The following YEATS2 variants were observed in gnomAD, a reference collection of about 807,000 sequenced individuals.
YEATS2 encodes the protein YEATS domain containing 2, also known as YEATS domain-containing protein 2.
YEATS2 carries 77 observed loss-of-function variants against 163.2 expected under a neutral mutation model. That is an observed-to-expected ratio of 0.47 (90% CI 0.39 to 0.57). The LOEUF is 0.57. YEATS2 is among the 20% of genes least tolerant of loss of function. YEATS2 has a pLI of 0.00. For missense variants in YEATS2, 1,549 were observed against 1,729.8 expected (o/e 0.90, Z 1.85); for synonymous variants, 631 against 645.1 (o/e 0.98, Z 0.33).
chr3:183,758,118 G>T (rs961808679), intron 12 of YEATS2, among the ~76,000 whole-genome samples: 1 of 152,198 alleles, frequency 6.6e-6, no homozygotes, highest in African/African-American at 2.4e-5. Flanking sequence ...AGCACTTTGG[G>T]AGGCCAAGGT....
Position 183,777,662 on chromosome 3 carries a change from A to G in YEATS2, c.2698A>G (p.Lys900Glu). 6.2e-7 allele frequency: 1 copy of G among 1,614,186 alleles called. No homozygotes were observed. Among genetic ancestry groups the G allele is most frequent in the Non-Finnish European group, 8.5e-7 (1 of 1,180,040 alleles). Residue 900 changes from lysine to glutamate, a missense_variant, in exon 19 of 31, where the codon AAA becomes GAA. Transcript: ENST00000305135. ...TTCTGCACAAGGACAACAAACGCTAAAAGTCATCTCTGGACAGAAAACCAC... is the reference window on the plus strand; with the variant it reads ...TTCTGCACAAGGACAACAAACGCTAGAAGTCATCTCTGGACAGAAAACCAC... ...TSSAQGQQTLKVISGQKTTLF... is the reference protein window; with the variant it reads ...TSSAQGQQTLEVISGQKTTLF...
intron 8 of YEATS2, among the ~76,000 whole-genome samples, chr3:183,743,989 T>G (rs137884521): frequency 6.6e-6 from 1 of 152,104 alleles, no homozygotes; most frequent in African/African-American, 2.4e-5. Context: ...ACCATAAGAC[T>G]AGGTTGCCTT....
chr3:183,724,597 T>C (rs1577062177), intron 6 of YEATS2, 66 bp downstream of exon 6: 2 of 1,119,296 alleles, frequency 1.8e-6, no homozygotes, highest in Non-Finnish European at 2.6e-6. Flanking sequence ...TTAATACTCT[T>C]ACAGTGTTAC....
At chr3:183,801,643 A>T in intron 25 of YEATS2, 115 bp downstream of exon 25, 1 of 776,304 alleles carries the variant, frequency 1.3e-6, no homozygotes, top group Non-Finnish European at 2.0e-6. Context: ...CGGTTACCTT[A>T]TAAGGTTTCA....
chr3:183,712,780 G>T (rs1449356807), intron 1 of YEATS2, among the ~76,000 whole-genome samples: 6 of 121,924 alleles, frequency 4.9e-5, no homozygotes, highest in African/African-American at 1.7e-4. Context: ...TTTTTTTTTC[G>T]AGAGAGTTTT....
chr3:183,699,844 T>C (rs1005496915), intron 1 of YEATS2, among the ~76,000 whole-genome samples: 1 of 152,184 alleles, frequency 6.6e-6, no homozygotes, highest in Admixed American at 6.6e-5. Context: ...AGATTGTCAA[T>C]TGAATTTGGC....
At chr3:183,698,858 C>A (rs9875427) in intron 1 of YEATS2, among the ~76,000 whole-genome samples, 6,226 of 152,152 alleles carry the variant, frequency 0.041, 325 homozygotes, top group East Asian at 0.15. Context: ...TTTAAAAATA[C>A]AAGCAAAGCC....
intron 15 of YEATS2, among the ~76,000 whole-genome samples, chr3:183,770,300 C>T (rs1313739381): frequency 3.3e-5 from 5 of 151,908 alleles, no homozygotes; most frequent in African/African-American, 1.2e-4. Flanking sequence ...AGGAGAATGG[C>T]ATGAACCCGT....
At chr3:183,719,942 TTATGAA>T (rs2109050073) in intron 4 of YEATS2, among the ~76,000 whole-genome samples, 1 of 152,324 alleles carries the variant, frequency 6.6e-6, no homozygotes, top group South Asian at 2.1e-4. Flanking sequence ...ACCAGGCCAT[TTATGAA>T]TATCTCACAT....
chr3:183,763,302 AT>A (rs1353661675), intron 15 of YEATS2, among the ~76,000 whole-genome samples: 2 of 152,314 alleles, frequency 1.3e-5, no homozygotes, highest in East Asian at 3.9e-4. Context: ...ATTGAATACT[AT>A]AGGAAGTTGT....
chr3:183,737,917 G>A (rs1005097377), intron 8 of YEATS2, among the ~76,000 whole-genome samples: 2 of 152,112 alleles, frequency 1.3e-5, no homozygotes, highest in Admixed American at 1.3e-4. Context: ...ACAACTCTGT[G>A]AGTACCATTT....
chr3:183,715,325 AG>A (rs2109024935), intron 2 of YEATS2, 63 bp downstream of exon 2: 1 of 1,206,420 alleles, frequency 8.3e-7, no homozygotes, highest in East Asian at 2.4e-5. Context: ...GAAAACTTAC[AG>A]GAACTAGAAT....
At chr3:183,798,078 G>C (rs373223793) in intron 22 of YEATS2, 27 bp downstream of exon 22, 1 of 1,611,266 alleles carries the variant, frequency 6.2e-7, no homozygotes, top group Non-Finnish European at 8.5e-7. Flanking sequence ...CGGGTCGTCT[G>C]TGCTGTGGCT....
chr3:183,759,639 A>T (rs1721140245), intron 13 of YEATS2, among the ~76,000 whole-genome samples: 1 of 152,216 alleles, frequency 6.6e-6, no homozygotes, highest in Non-Finnish European at 1.5e-5. Context: ...CATCACCAAG[A>T]AGTAAATATA....
At position 183,722,374 on chromosome 3, in the gene YEATS2, C is replaced by T. The variant is rs369710581; in HGVS notation, c.537+238C>T. On this transcript the variant is annotated intron_variant, in intron 5 of 30. Coordinates refer to ENST00000305135, the MANE Select transcript of YEATS2 (RefSeq NM_018023.5). ...CAGGATCATGGCTCACTGCAACCTC[C>T]GCCTCCCGGGTTCACGCCATTCTCC... Among the ~76,000 whole-genome samples, 108 of 147,766 alleles carry T rather than the reference C, an allele frequency of 7.3e-4. 1 individual carries two copies. The East Asian group carries it at 0.018, about 25-fold the overall frequency.
At chr3:183,730,016 T>G (rs1717557980) in intron 7 of YEATS2, among the ~76,000 whole-genome samples, 1 of 148,512 alleles carries the variant, frequency 6.7e-6, no homozygotes, top group Non-Finnish European at 1.5e-5. Flanking sequence ...TATATGATGT[T>G]ACACACATAT....
intron 12 of YEATS2, among the ~76,000 whole-genome samples, 156 bp from the exon 13 acceptor site, chr3:183,758,705 GT>G (rs1560280122): frequency 6.6e-6 from 1 of 152,210 alleles, no homozygotes; most frequent in Non-Finnish European, 1.5e-5. Context: ...GTCCTTAAGG[GT>G]TTTTTTCCAT....
At chr3:183,760,961 T>G (rs2119348) in intron 13 of YEATS2, among the ~76,000 whole-genome samples, 4,218 of 152,276 alleles carry the variant, frequency 0.028, 188 homozygotes, top group African/African-American at 0.095. Context: ...TAGAAGTCTT[T>G]CCAGTGTACA....
At chr3:183,747,814 C>A in intron 9 of YEATS2, 98 bp downstream of exon 9, 1 of 1,152,456 alleles carries the variant, frequency 8.7e-7, no homozygotes, top group Non-Finnish European at 1.3e-6. Context: ...GGTCTTCGCT[C>A]TGTCACCCAG....
Sources: gnomAD v4.1 joint callset for allele counts (sites outside exome capture counted in the v4.1 genomes callset) on GRCh38, gnomAD v4.1.1 for gene constraint, MANE v1.5 for transcripts, NCBI Gene and HGNC (gene_info 2026-07-23, HGNC 2026-07-21) for gene names.